CEP85L: variants seen among roughly 807,000 people sequenced by gnomAD.
CEP85L encodes the protein centrosomal protein of 85 kDa-like.
In CEP85L, 60 loss-of-function variants were observed where a neutral mutation model predicts 100.3. That is an observed-to-expected ratio of 0.60 (90% CI 0.49 to 0.74). The LOEUF (loss-of-function observed/expected upper bound fraction) is 0.74, where lower values mean the gene tolerates loss of function less well. Ranked by LOEUF, CEP85L falls within the 30% of genes least tolerant of loss-of-function variation. The pLI, the probability that CEP85L is intolerant of heterozygous loss-of-function variation, is 0.00. For synonymous variants in CEP85L, 319 were observed against 322.7 expected (o/e 0.99, Z 0.12); for missense variants, 973 against 936.2 (o/e 1.04, Z -0.51).
chr6:118,469,034 A>C, intron 12 of CEP85L, 38 bp downstream of exon 12: 3 of 1,422,624 alleles, frequency 2.1e-6, no homozygotes, highest in Non-Finnish European at 3.0e-6. Context: ...ATAGGTTTCT[A>C]ATTGCCACAA....
At chr6:118,503,195 T>TA (rs1172325577) in intron 5 of CEP85L, among the ~76,000 whole-genome samples, 1 of 152,146 alleles carries the variant, frequency 6.6e-6, no homozygotes, top group East Asian at 1.9e-4. Context: ...ACCATCTATA[T>TA]AAGCAATCAA....
At chr6:118,582,223 T>C (rs1294590811) in intron 2 of CEP85L, among the ~76,000 whole-genome samples, 2 of 152,200 alleles carry the variant, frequency 1.3e-5, no homozygotes, top group South Asian at 2.1e-4. Context: ...AAATGGCTGA[T>C]AGGAATGGTG....
At chr6:118,557,063 CTA>C (rs1292837406) in intron 3 of CEP85L, among the ~76,000 whole-genome samples, 3 of 152,110 alleles carry the variant, frequency 2.0e-5, no homozygotes, top group East Asian at 3.8e-4. Context: ...ATAATAATTA[CTA>C]TGTGTTCCAA....
intron 5 of CEP85L, among the ~76,000 whole-genome samples, chr6:118,492,098 CTTTGCAGTGTT>C (rs1562195262): frequency 6.6e-6 from 1 of 152,068 alleles, no homozygotes; most frequent in Non-Finnish European, 1.5e-5. Context: ...ATAAAGCCTA[CTTTGCAGTGTT>C]TTTTGAAGAA....
At chr6:118,501,004 C>T (rs932698104) in intron 5 of CEP85L, among the ~76,000 whole-genome samples, 5 of 152,192 alleles carry the variant, frequency 3.3e-5, no homozygotes, top group African/African-American at 7.2e-5. Flanking sequence ...GCTTTCTCCC[C>T]TTTTCTTCCC....
At chr6:118,573,718 G>T in intron 2 of CEP85L, among the ~76,000 whole-genome samples, 1 of 151,924 alleles carries the variant, frequency 6.6e-6, no homozygotes, top group East Asian at 1.9e-4. Context: ...ATTATAGATG[G>T]GTATATATTA....
chr6:118,647,941 T>C lies in CEP85L; in HGVS notation c.73+3256A>G, dbSNP rs949628295. Among the ~76,000 whole-genome samples, 5 of 152,324 alleles carry C rather than the reference T, an allele frequency of 3.3e-5. No homozygotes were observed. The East Asian group carries it at 7.7e-4, about 23-fold the overall frequency. Reference sequence around the variant, plus strand: ...AAAAAGAGAGGCTTTTATTTGATATTTGTAAGGAAACTTAAGAAAACACTC... The same window carrying C: ...AAAAAGAGAGGCTTTTATTTGATATCTGTAAGGAAACTTAAGAAAACACTC... On this transcript the variant is annotated intron_variant, in intron 1 of 12. Coordinates refer to ENST00000368491, the MANE Select transcript of CEP85L (RefSeq NM_001042475.3).
chr6:118,596,828 AT>A (rs1407818248), intron 2 of CEP85L, among the ~76,000 whole-genome samples: 1 of 151,982 alleles, frequency 6.6e-6, no homozygotes, highest in Non-Finnish European at 1.5e-5. Context: ...ATTCCTTCTT[AT>A]TTTTATCCAC....
chr6:118,572,985 C>A (rs1779997586), intron 2 of CEP85L, among the ~76,000 whole-genome samples: 1 of 152,098 alleles, frequency 6.6e-6, no homozygotes, highest in African/African-American at 2.4e-5. Flanking sequence ...TCACTTGAAC[C>A]CAGGAGGCAG....
At chr6:118,596,130 A>T (rs1195747097) in intron 2 of CEP85L, among the ~76,000 whole-genome samples, 1 of 152,182 alleles carries the variant, frequency 6.6e-6, no homozygotes, top group Non-Finnish European at 1.5e-5. Flanking sequence ...TTTATAAATG[A>T]GAAAAAAATG....
At chr6:118,659,638 C>G (rs1026489635) in intron 1 of CEP85L, among the ~76,000 whole-genome samples, 1 of 152,170 alleles carries the variant, frequency 6.6e-6, no homozygotes, top group African/African-American at 2.4e-5. Context: ...AATCAGCATT[C>G]GGGGAGAATA....
intron 2 of CEP85L, among the ~76,000 whole-genome samples, chr6:118,624,421 G>A (rs907259073): frequency 1.3e-5 from 2 of 151,332 alleles, no homozygotes; most frequent in Non-Finnish European, 2.9e-5. Context: ...TTCTACTACC[G>A]CTCCACCTAC....
At chr6:118,674,839 G>A (rs116806232) in intron 1 of CEP85L, among the ~76,000 whole-genome samples, 304 of 152,310 alleles carry the variant, frequency 2.0e-3, no homozygotes, top group African/African-American at 7.1e-3. Context: ...GGAGAAATTG[G>A]AATCCTCATA....
intron 8 of CEP85L, among the ~76,000 whole-genome samples, chr6:118,481,152 G>A (rs1201716035): frequency 2.6e-5 from 4 of 151,922 alleles, no homozygotes; most frequent in East Asian, 1.9e-4. Flanking sequence ...TTAGAAATAG[G>A]AGCCAATCAC....
At chr6:118,465,601 C>G in intron 12 of CEP85L, 33 bp from the exon 13 acceptor site, 2 of 1,595,916 alleles carry the variant, frequency 1.3e-6, no homozygotes, top group Non-Finnish European at 1.7e-6. Flanking sequence ...GAATATCTCA[C>G]ATTTTTTTGA....
At chr6:118,503,831 C>CA (rs71012390) in intron 5 of CEP85L, among the ~76,000 whole-genome samples, 34,606 of 126,874 alleles carry the variant, frequency 0.27, 5,599 homozygotes, top group East Asian at 0.61. Flanking sequence ...TATAAAACTC[C>CA]AAAAAAAAAA....
intron 3 of CEP85L, among the ~76,000 whole-genome samples, chr6:118,531,248 A>C (rs1171174961): frequency 2.0e-5 from 3 of 152,168 alleles, no homozygotes; most frequent in Admixed American, 1.3e-4. Flanking sequence ...AAAAACAATC[A>C]AAAGAGAAAG....
At chr6:118,530,566 G>C (rs187833811) in intron 3 of CEP85L, among the ~76,000 whole-genome samples, 2 of 152,110 alleles carry the variant, frequency 1.3e-5, no homozygotes, top group African/African-American at 4.8e-5. Context: ...AATAGGAAGA[G>C]AGAAGTCAAA....
chr6:118,675,103 C>A (rs151230818), intron 1 of CEP85L, among the ~76,000 whole-genome samples: 1 of 152,122 alleles, frequency 6.6e-6, no homozygotes, highest in Non-Finnish European at 1.5e-5. Flanking sequence ...TACACACACA[C>A]CCACACATGC....
Sources: gnomAD v4.1 joint callset for allele counts (sites outside exome capture counted in the v4.1 genomes callset) on GRCh38, gnomAD v4.1.1 for gene constraint, MANE v1.5 for transcripts, NCBI Gene and HGNC (gene_info 2026-07-23, HGNC 2026-07-21) for gene names.